LOXHD1: variants seen among roughly 807,000 people sequenced by gnomAD.
LOXHD1 encodes lipoxygenase homology domain-containing protein 1.
In LOXHD1, 205 loss-of-function variants were observed where a neutral mutation model predicts 248.2. The ratio of observed to expected loss-of-function variants is 0.83; its 90% CI spans 0.74 to 0.93. The LOEUF (loss-of-function observed/expected upper bound fraction) is 0.93, where lower values mean the gene tolerates loss of function less well. LOXHD1 is among the 40% of genes least tolerant of loss of function. The pLI is 0.00. For synonymous variants in LOXHD1, 1,113 were observed against 1,162.8 expected (o/e 0.96, Z 0.87); for missense variants, 2,930 against 2,971.6 (o/e 0.99, Z 0.33).
At chr18:46,648,795 G>T (rs1442188540) in intron 2 of LOXHD1, among the ~76,000 whole-genome samples, 1 of 152,196 alleles carries the variant, frequency 6.6e-6, no homozygotes, top group Non-Finnish European at 1.5e-5. Context: ...CAGATGTATG[G>T]TCTTCCCGAT....
chr18:46,496,857 G>A (rs368444003), intron 37 of LOXHD1, among the ~76,000 whole-genome samples: 57 of 152,260 alleles, frequency 3.7e-4, no homozygotes, highest in African/African-American at 1.3e-3. Flanking sequence ...ACAAAAATTA[G>A]CCGGGTGTGG....
At position 46,477,429 on chromosome 18, in the gene LOXHD1, T is replaced by G. The variant is rs1208594450; in HGVS notation, c.*43A>C. ...ACCGCCAAGGTGGAGGGCAGAAATGTGAGATTGGGGCATCTCAGTGAGAGG... is the reference window on the plus strand; with the variant it reads ...ACCGCCAAGGTGGAGGGCAGAAATGGGAGATTGGGGCATCTCAGTGAGAGG... On this transcript the variant is annotated 3_prime_UTR_variant, in exon 41 of 41. Coordinates refer to ENST00000642948, the MANE Select transcript of LOXHD1 (RefSeq NM_001384474.1). The G allele has an allele frequency of 1.3e-6, 2 of 1,534,054 alleles. No individual in the cohort carries two copies. Among genetic ancestry groups the G allele is most frequent in the African/African-American group, 1.4e-5 (1 of 72,636 alleles).
intron 5 of LOXHD1, among the ~76,000 whole-genome samples, chr18:46,617,291 T>C (rs750362150): frequency 4.6e-5 from 7 of 152,208 alleles, no homozygotes; most frequent in Non-Finnish European, 8.8e-5. Context: ...TCCTGGTCTA[T>C]TTTTTCACTG....
intron 20 of LOXHD1, chr18:46,557,900 A>G (rs776114658): frequency 4.1e-5 from 45 of 1,096,352 alleles, no homozygotes; most frequent in Non-Finnish European, 2.7e-5. Context: ...TGTATTAAGT[A>G]CCTGCTATGA....
At chr18:46,641,650 C>T (rs1012623305) in intron 3 of LOXHD1, among the ~76,000 whole-genome samples, 11 of 152,168 alleles carry the variant, frequency 7.2e-5, no homozygotes, top group Admixed American at 4.6e-4. Context: ...AATAACAGAA[C>T]GGACACTTGA....
chr18:46,579,384 C>G (rs2037918972), intron 13 of LOXHD1, among the ~76,000 whole-genome samples: 1 of 152,166 alleles, frequency 6.6e-6, no homozygotes, highest in Non-Finnish European at 1.5e-5. Context: ...CAACAGGTGT[C>G]CATGCATATT....
At chr18:46,596,326 G>A (rs2038256438) in intron 8 of LOXHD1, among the ~76,000 whole-genome samples, 1 of 152,118 alleles carries the variant, frequency 6.6e-6, no homozygotes. Flanking sequence ...CTGCCAAGGG[G>A]TTACAGAGAA....
intron 8 of LOXHD1, among the ~76,000 whole-genome samples, chr18:46,596,736 T>G (rs945443288): frequency 6.6e-6 from 1 of 152,038 alleles, no homozygotes; most frequent in Admixed American, 6.6e-5. Context: ...AGCAGGAGAA[T>G]ACCAAAAACA....
At chr18:46,484,599 G>A (rs1161487675) in intron 39 of LOXHD1, among the ~76,000 whole-genome samples, 1 of 152,182 alleles carries the variant, frequency 6.6e-6, no homozygotes, top group Non-Finnish European at 1.5e-5. Context: ...GAGGTATTCT[G>A]TTATAGCAGT....
At chr18:46,583,382 A>T (rs1413596781) in intron 12 of LOXHD1, among the ~76,000 whole-genome samples, 1 of 152,218 alleles carries the variant, frequency 6.6e-6, no homozygotes, top group Admixed American at 6.5e-5. Flanking sequence ...AGCAGAATGA[A>T]GATACAACAT....
chr18:46,566,867 T>C (rs1177111707), intron 16 of LOXHD1, among the ~76,000 whole-genome samples: 2 of 152,230 alleles, frequency 1.3e-5, no homozygotes, highest in Non-Finnish European at 2.9e-5. Flanking sequence ...TACACAGTTG[T>C]ATATATTTCT....
Position 46,649,312 on chromosome 18 carries a change from A to C in LOXHD1, c.131-43T>G, listed in dbSNP as rs774569032. On this transcript the variant is annotated intron_variant, in intron 1 of 40. Transcript: ENST00000642948. ...GAGACAGATTGCAGGCTCAGAAAAA[A>C]ACCGGAATCCTGTGTGGGCCTGGAG... 8 of 1,510,450 alleles carry C rather than the reference A, an allele frequency of 5.3e-6. No individual in the cohort carries two copies. In the South Asian group the frequency reaches 8.5e-5, roughly 16 times the overall value. The allele number at this position is 1,510,450 out of a possible 1,614,324, so 93.6% of individuals were successfully genotyped here.
rs1462375186 is a variant in LOXHD1, at chr18:46,560,074, C to T, written c.3061+9G>A. The T allele has an allele frequency of 6.6e-7, 1 of 1,525,564 alleles. No homozygotes were observed. Among genetic ancestry groups the T allele is most frequent in the Non-Finnish European group, 8.9e-7 (1 of 1,125,736 alleles). 94.5% of individuals were successfully genotyped at this position (1,525,564 alleles called of 1,614,324 possible). A position where few individuals can be genotyped will look rare whatever the true frequency, so the allele number is the denominator to read the frequency against. Reference sequence around the variant, plus strand: ...CCCTCCCCACCCCCACCCCCCACGACCCACTTACGCTCAGGACCCGGCTTG... The same window carrying T: ...CCCTCCCCACCCCCACCCCCCACGATCCACTTACGCTCAGGACCCGGCTTG... On this transcript the variant is annotated intron_variant, in intron 19 of 40. Transcript: ENST00000642948.
chr18:46,503,266 T>A (rs1004141051), intron 37 of LOXHD1, among the ~76,000 whole-genome samples: 1 of 152,196 alleles, frequency 6.6e-6, no homozygotes, highest in Admixed American at 6.5e-5. Context: ...GTTTAGGCAC[T>A]TTAACAGGAG....
At chr18:46,483,926 C>A (rs951377127) in intron 39 of LOXHD1, among the ~76,000 whole-genome samples, 181 bp from the exon 40 acceptor site, 21 of 152,082 alleles carry the variant, frequency 1.4e-4, no homozygotes, top group Admixed American at 1.1e-3. Context: ...CCAAGACAAT[C>A]ACGATGAAAA....
Position 46,560,502 on chromosome 18 carries a change from C to A in LOXHD1, c.2642G>T (p.Gly881Val). Reference protein sequence around the residue: ...DVGEVYKLRLGHTGEGFGPSW... With the variant: ...DVGEVYKLRLVHTGEGFGPSW... ...GGGCCCAAAGCCCTCGCCCGTGTGC[C>A]CGAGCCGGAGCTTATAGACCTCGCC... The change falls in exon 19 of 41, where the codon GGG becomes GTG. Residue 881 changes from glycine to valine, a missense_variant. Coordinates refer to ENST00000642948, the MANE Select transcript of LOXHD1 (RefSeq NM_001384474.1). 1 of 1,537,398 alleles carries A rather than the reference C, an allele frequency of 6.5e-7. No homozygotes were observed. The highest frequency in any genetic ancestry group is 8.7e-7 in the Non-Finnish European group (1 of 1,146,542).
chr18:46,596,087 TG>T (rs2038252667), intron 8 of LOXHD1, among the ~76,000 whole-genome samples: 1 of 152,156 alleles, frequency 6.6e-6, no homozygotes, highest in South Asian at 2.1e-4. Flanking sequence ...GGATTTTGTT[TG>T]TTTTATTGTT....
intron 14 of LOXHD1, among the ~76,000 whole-genome samples, chr18:46,574,388 TACACACACAC>T (rs569144159): frequency 1.9e-4 from 24 of 125,310 alleles, no homozygotes; most frequent in African/African-American, 8.1e-4. Context: ...TGTGTACACA[TACACACACAC>T]ACACACACAC....
intron 21 of LOXHD1, 25 bp downstream of exon 21, chr18:46,557,331 C>T: frequency 1.3e-6 from 2 of 1,552,298 alleles, no homozygotes; most frequent in Admixed American, 2.0e-5. Context: ...CAACACCCCT[C>T]CCTGCCCACT....
Sources: gnomAD v4.1 joint callset for allele counts (sites outside exome capture counted in the v4.1 genomes callset) on GRCh38, gnomAD v4.1.1 for gene constraint, MANE v1.5 for transcripts, NCBI Gene and HGNC (gene_info 2026-07-23, HGNC 2026-07-21) for gene names.